The following SNED1 variants were observed in gnomAD, a reference collection of about 807,000 sequenced individuals.
SNED1 encodes sushi, nidogen and EGF-like domain-containing protein 1.
In SNED1, 81 loss-of-function variants were observed where a neutral mutation model predicts 166.7. The observed-to-expected ratio is 0.49, with a 90% CI of 0.41 to 0.58. The LOEUF is 0.58. SNED1 is among the 20% of genes least tolerant of loss of function. SNED1 has a pLI of 0.00. For missense variants in SNED1, 1,604 were observed against 2,000.2 expected (o/e 0.80, Z 3.78); for synonymous variants, 762 against 822.0 (o/e 0.93, Z 1.25).
At chr2:241,086,163 G>T (rs541329565) in intron 29 of SNED1, among the ~76,000 whole-genome samples, 1 of 152,258 alleles carries the variant, frequency 6.6e-6, no homozygotes, top group Admixed American at 6.5e-5. Context: ...CACCGCACCT[G>T]GCCCTGTCTG....
In SNED1 at chr2:241,095,413, A is replaced by C. The variant is rs540727049; in HGVS notation, c.*3777A>C. ...TTTGCTGGCCTTAAGAAGCCATGCA[A>C]AATTAACCAGTACATCATGAATTAA... On this transcript the variant is annotated 3_prime_UTR_variant, in exon 32 of 32. Transcript: ENST00000310397. 6.5e-6 allele frequency: 1 copy of C among 152,958 alleles called. No homozygotes were observed. Among genetic ancestry groups the C allele is most frequent in the Non-Finnish European group, 1.5e-5 (1 of 68,184 alleles). The allele number at this position is 152,958 out of a possible 1,614,324, so 9.5% of individuals were successfully genotyped here.
intron 1 of SNED1, chr2:241,010,087 C>CTGTT (rs761432499): frequency 3.3e-5 from 5 of 152,274 alleles, no homozygotes; most frequent in Non-Finnish European, 7.3e-5. Context: ...CGAGGCTGTG[C>CTGTT]TGTTTCACTC....
At chr2:241,074,205 T>C (rs1453408854) in intron 27 of SNED1, 1 of 152,166 alleles carries the variant, frequency 6.6e-6, no homozygotes, top group African/African-American at 2.4e-5. Flanking sequence ...CCCCAGCTTC[T>C]CAAGGACATG....
In SNED1 at chr2:241,054,589, T is replaced by A. The variant is rs188425501; in HGVS notation, c.2257+1263T>A. 3.4e-3 allele frequency among the ~76,000 whole-genome samples: 522 copies of A among 152,198 alleles called. 4 individuals carry two copies. Among genetic ancestry groups the A allele is most frequent in the Middle Eastern group, 0.024 (7 of 294 alleles). ...CCTCATACAAAAAAAGAAAATGGATTAACGGTATAAAATAACCGTGACAAA... is the reference window on the plus strand; with the variant it reads ...CCTCATACAAAAAAAGAAAATGGATAAACGGTATAAAATAACCGTGACAAA... On this transcript the variant is annotated intron_variant, in intron 16 of 31. Coordinates refer to ENST00000310397, the MANE Select transcript of SNED1 (RefSeq NM_001080437.3).
chr2:241,081,704 CCT>C lies in SNED1; in HGVS notation c.3945_3946del (p.Cys1316SerfsTer16), dbSNP rs750675748. ...GTCCCTGGCAACTGTTCAGAAAACC[CCT>C]GTCAGAACGGAGGCACTTGTGTGCC... is the stretch of plus-strand genomic sequence containing the variant. On this transcript the variant is annotated frameshift_variant, in exon 28 of 32. Transcript: ENST00000310397. LOFTEE classifies it high-confidence loss of function. 34 of 1,608,404 alleles carry C rather than the reference CCT, an allele frequency of 2.1e-5. No individual in the cohort carries two copies. The highest frequency in any genetic ancestry group is 4.0e-5 in the African/African-American group (3 of 74,834).
In SNED1 at chr2:241,052,151, G is replaced by GAGATAGGTAAGGTGGGTGGGAGGCC. The variant is rs768054448; in HGVS notation, c.1966_1969+21dup. ...CCCAGGCTTCTCCGGGCGGCACTGC[G>GAGATAGGTAAGGTGGGTGGGAGGCC]AGATAGGTAAGGTGGGTGGGAGGCC... On this transcript the variant is annotated frameshift_variant, in exon 14 of 32. Coordinates refer to ENST00000310397, the MANE Select transcript of SNED1 (RefSeq NM_001080437.3). LOFTEE classifies it high-confidence loss of function. The GAGATAGGTAAGGTGGGTGGGAGGCC allele has an allele frequency of 6.2e-7, 1 of 1,613,198 alleles. No individual in the cohort carries two copies. The highest frequency in any genetic ancestry group is 8.5e-7 in the Non-Finnish European group (1 of 1,179,226).
Position 241,081,787 on chromosome 2 carries a change from G to GACTT in SNED1, c.4028_4029insCTTA (p.Glu1343AspfsTer35). On this transcript the variant is annotated frameshift_variant, in exon 28 of 32. Coordinates refer to ENST00000310397, the MANE Select transcript of SNED1 (RefSeq NM_001080437.3). LOFTEE classifies it high-confidence loss of function. Reference sequence around the variant, plus strand: ...GCCAGGGTTCAAAGGCAGACGCTGCGAGCTCGGTAAGTCGGGGCTTGGCCT... The same window carrying GACTT: ...GCCAGGGTTCAAAGGCAGACGCTGCGACTTAGCTCGGTAAGTCGGGGCTTGGCCT... 6.3e-7 allele frequency: 1 copy of GACTT among 1,584,128 alleles called. No individual in the cohort carries two copies.
intron 30 of SNED1, chr2:241,087,917 T>C: frequency 4.8e-6 from 2 of 417,258 alleles, no homozygotes; most frequent in Admixed American, 4.1e-5. Context: ...GTGAGAATAT[T>C]ATATGCTTTA....
chr2:241,016,158 T>G (rs529514422), intron 1 of SNED1: 1 of 151,910 alleles, frequency 6.6e-6, no homozygotes, highest in South Asian at 2.1e-4. Context: ...ATAGCTGTGT[T>G]CCTAACAAAA....
intron 1 of SNED1, among the ~76,000 whole-genome samples, chr2:241,019,322 G>C (rs565895165): frequency 1.3e-5 from 2 of 152,210 alleles, no homozygotes; most frequent in Non-Finnish European, 1.5e-5. Flanking sequence ...CCATCAATAC[G>C]TGATTAGTGA....
In SNED1 at chr2:241,033,762, A is replaced by G; in HGVS notation, c.529A>G (p.Thr177Ala). 6.2e-7 allele frequency: 1 copy of G among 1,612,132 alleles called. No individual in the cohort carries two copies. The highest frequency in any genetic ancestry group is 8.5e-7 in the Non-Finnish European group (1 of 1,179,636). The change falls in exon 3 of 32, where the codon ACA becomes GCA. Residue 177 changes from threonine (T) to alanine (A), a missense_variant. Thr to Ala is a moderately conservative substitution (Grantham distance 58, BLOSUM62 0). Around this residue, in one of 2 missense-constraint regions of SNED1, gnomAD observed 1,237 missense variants for 1,620.8 expected, o/e 0.76. Transcript: ENST00000310397. ...CAACACATTCCAGACTGTGCTCATCACAGACGGCAAGCTCTCCTTCACCAT... is the reference window on the plus strand; with the variant it reads ...CAACACATTCCAGACTGTGCTCATCGCAGACGGCAAGCTCTCCTTCACCAT... ...PVNTFQTVLITDGKLSFTIFN... is the reference protein window; with the variant it reads ...PVNTFQTVLIADGKLSFTIFN...
At position 241,069,827 on chromosome 2, in the gene SNED1, G is replaced by A; in HGVS notation, c.3308-93G>A. 2 of 1,428,470 alleles carry A rather than the reference G, an allele frequency of 1.4e-6. No homozygotes were observed. Among genetic ancestry groups the A allele is most frequent in the Non-Finnish European group, 1.9e-6 (2 of 1,050,244 alleles). 88.5% of individuals were successfully genotyped at this position (1,428,470 alleles called of 1,614,324 possible). On this transcript the variant is annotated intron_variant, in intron 23 of 31. Transcript: ENST00000310397. The surrounding 1 kb of genome is among the most constrained non-coding windows in gnomAD (Gnocchi z 4.9). ...AATAAAGAATCTGGCTTCCAGCAAGGCTGCGGCAGCCCATGTCCGGTTCTC... is the reference window on the plus strand; with the variant it reads ...AATAAAGAATCTGGCTTCCAGCAAGACTGCGGCAGCCCATGTCCGGTTCTC...
chr2:241,040,318 C>T lies in SNED1; in HGVS notation c.1178C>T (p.Pro393Leu). Residue 393 changes from proline to leucine, a missense_variant, in exon 8 of 32, where the codon CCT (proline) becomes CTT (leucine). Around this residue, in one of 2 missense-constraint regions of SNED1, gnomAD observed 1,237 missense variants for 1,620.8 expected, o/e 0.76. Transcript: ENST00000310397. ...ACEMDVDDCS[P>L]DPCLNGGSCV... ...CCCTCAGATGTGGACGACTGCAGCC[C>T]TGACCCCTGCCTGAATGGAGGCTCT... 1 of 1,606,478 alleles carries T rather than the reference C, an allele frequency of 6.2e-7. No individual in the cohort carries two copies. The highest frequency in any genetic ancestry group is 8.5e-7 in the Non-Finnish European group (1 of 1,176,522).
chr2:241,052,386 G>C lies in SNED1; in HGVS notation c.2001G>C (p.Val667=). Residue 667 remains valine (V), a synonymous_variant, in exon 15 of 32, where the codon GTG becomes GTC. Coordinates refer to ENST00000310397, the MANE Select transcript of SNED1 (RefSeq NM_001080437.3). Reference sequence around the variant, plus strand: ...CCCCCTGCTTCCGGAGCCCGTGTGTGAATGGGGGCACCTGCGAGGACCGGG... The same window carrying C: ...CCCCCTGCTTCCGGAGCCCGTGTGTCAATGGGGGCACCTGCGAGGACCGGG... The part of the protein sequence containing the change: ...APSPCFRSPC[V]NGGTCEDRDT... The C allele has an allele frequency of 6.3e-7, 1 of 1,591,606 alleles. No individual in the cohort carries two copies. Among genetic ancestry groups the C allele is most frequent in the South Asian group, 1.2e-5 (1 of 86,454 alleles).
In SNED1 at chr2:241,049,906, G is replaced by A. The variant is rs2061778424; in HGVS notation, c.1708G>A (p.Gly570Arg). 1 of 1,613,520 alleles carries A rather than the reference G, an allele frequency of 6.2e-7. No homozygotes were observed. The highest frequency in any genetic ancestry group is 8.5e-7 in the Non-Finnish European group (1 of 1,179,686). ...CTCCTACACCTGCGAGTGCCCGCGC[G>A]GGTTCCACGGCAAGCACTGCGAGAA... ...DDSYTCECPRGFHGKHCEKAR... is the reference protein window; with the variant it reads ...DDSYTCECPRRFHGKHCEKAR... The change falls in exon 12 of 32, where the codon GGG (glycine) becomes AGG (arginine). Residue 570 changes from glycine to arginine, a missense_variant. By Grantham distance (125) the Gly-to-Arg change is moderately radical (BLOSUM62 -2). This residue lies in a region of SNED1 where 1,237 missense variants were observed against 1,620.8 expected (regional missense o/e 0.76). Transcript: ENST00000310397.
Position 241,037,743 on chromosome 2 carries a change from C to T in SNED1, c.1045+390C>T, listed in dbSNP as rs138157146. 4.9e-3 allele frequency among the ~76,000 whole-genome samples: 742 copies of T among 152,296 alleles called. 7 individuals carry two copies. The highest frequency in any genetic ancestry group is 0.017 in the African/African-American group (696 of 41,556). ...CAGCCCAGGACCAGCTTGAGGGGAACGTGAAGTGCTTCTGGGGTCAGATGG... is the reference window on the plus strand; with the variant it reads ...CAGCCCAGGACCAGCTTGAGGGGAATGTGAAGTGCTTCTGGGGTCAGATGG... On this transcript the variant is annotated intron_variant, in intron 6 of 31. Coordinates refer to ENST00000310397, the MANE Select transcript of SNED1 (RefSeq NM_001080437.3).
intron 12 of SNED1, among the ~76,000 whole-genome samples, chr2:241,050,742 T>G (rs1380348410): frequency 6.6e-6 from 1 of 152,188 alleles, no homozygotes; most frequent in Non-Finnish European, 1.5e-5. Context: ...AGGACCACCC[T>G]GAGGCCCTTC....
intron 26 of SNED1, chr2:241,072,574 C>G (rs140314700): frequency 0.012 from 3,114 of 268,506 alleles, 29 homozygotes; most frequent in Non-Finnish European, 0.016. Flanking sequence ...AGCAAAAACT[C>G]CTCAGGCAGA....
chr2:241,007,126 T>G (rs796819539), intron 1 of SNED1, among the ~76,000 whole-genome samples: 9 of 152,336 alleles, frequency 5.9e-5, no homozygotes, highest in African/African-American at 1.9e-4. Flanking sequence ...GTGTTAAATT[T>G]CCTGCTGTGG....
Sources: gnomAD v4.1 joint callset for allele counts (sites outside exome capture counted in the v4.1 genomes callset) on GRCh38, gnomAD v4.1.1 for gene constraint, gnomAD v4.1.1 regional missense constraint, Gnocchi (gnomAD v3.1) non-coding constraint, MANE v1.5 for transcripts, NCBI Gene and HGNC (gene_info 2026-07-23, HGNC 2026-07-21) for gene names.